The following RBSN variants were observed in gnomAD, a reference collection of about 807,000 sequenced individuals.
RBSN encodes the protein rabenosyn-5.
RBSN carries 34 observed loss-of-function variants against 60.5 expected under a neutral mutation model. That is an observed-to-expected ratio of 0.56 (90% CI 0.43 to 0.75). The LOEUF is 0.75. RBSN is among the 30% of genes least tolerant of loss of function. RBSN has a pLI of 0.00. For synonymous variants in RBSN, 322 were observed against 366.9 expected (o/e 0.88, Z 1.40); for missense variants, 845 against 986.8 (o/e 0.86, Z 1.92).
chr3:15,094,159 T>C (rs1184369118), intron 4 of RBSN, among the ~76,000 whole-genome samples: 2 of 152,192 alleles, frequency 1.3e-5, no homozygotes, highest in East Asian at 3.8e-4. Context: ...TTCTCTAACC[T>C]CTCTACCCAC....
chr3:15,075,277 A>G, intron 13 of RBSN: 1 of 601,046 alleles, frequency 1.7e-6, no homozygotes. Context: ...TTTCTGTTTA[A>G]TATTGCATAT....
At chr3:15,089,339 C>T (rs1282300673) in intron 5 of RBSN, among the ~76,000 whole-genome samples, 3 of 147,822 alleles carry the variant, frequency 2.0e-5, no homozygotes, top group Non-Finnish European at 3.0e-5. Flanking sequence ...GGATGGTGTG[C>T]ACCAGTAGTC....
intron 8 of RBSN, among the ~76,000 whole-genome samples, chr3:15,083,434 G>A (rs765554720): frequency 6.6e-6 from 1 of 152,138 alleles, no homozygotes; most frequent in Non-Finnish European, 1.5e-5. Flanking sequence ...CTTCCCAGAA[G>A]CCAATGAGAT....
Position 15,073,849 on chromosome 3 carries a change from T to C in RBSN, c.2288A>G (p.Glu763Gly). 1 of 1,613,914 alleles carries C rather than the reference T, an allele frequency of 6.2e-7. No individual in the cohort carries two copies. Among genetic ancestry groups the C allele is most frequent in the African/African-American group, 1.3e-5 (1 of 75,004 alleles). The change falls in exon 14 of 14, where the codon GAG becomes GGG. Residue 763 changes from glutamate to glycine, a missense_variant. Transcript: ENST00000253699. ...CTCCCGCAGATTCTCTGTCAGCACCTCTACCTCATCCAGGCGGCCGCACTG... is the reference window on the plus strand; with the variant it reads ...CTCCCGCAGATTCTCTGTCAGCACCCCTACCTCATCCAGGCGGCCGCACTG... ...AKQCGRLDEVEVLTENLRELK... is the reference protein window; with the variant it reads ...AKQCGRLDEVGVLTENLRELK...
chr3:15,089,724 C>T (rs896753442), intron 5 of RBSN, among the ~76,000 whole-genome samples: 6 of 151,794 alleles, frequency 4.0e-5, no homozygotes, highest in African/African-American at 1.5e-4. Flanking sequence ...CATTCTCCTG[C>T]CTCAGCCTCC....
At chr3:15,090,058 G>T (rs1364981372) in intron 5 of RBSN, among the ~76,000 whole-genome samples, 1 of 152,180 alleles carries the variant, frequency 6.6e-6, no homozygotes, top group Non-Finnish European at 1.5e-5. Context: ...TGAGAGGAAA[G>T]AATCATTAAT....
Position 15,074,168 on chromosome 3 carries a change from T to A in RBSN, c.1969A>T (p.Ile657Phe). ...TCGAAAGGATTGTACTCTTTCAGGATGCGGGCTGAAGGGTCTAAGGAAACC... is the reference window on the plus strand; with the variant it reads ...TCGAAAGGATTGTACTCTTTCAGGAAGCGGGCTGAAGGGTCTAAGGAAACC... ...AGVSLDPSAR[I>F]LKEYNPFEEE... The change falls in exon 14 of 14, where the codon ATC (isoleucine) becomes TTC (phenylalanine). Residue 657 changes from isoleucine to phenylalanine, a missense_variant. By Grantham distance (21) the Ile-to-Phe change is conservative (BLOSUM62 0). Coordinates refer to ENST00000253699, the MANE Select transcript of RBSN (RefSeq NM_022340.4). This position sits in a 1 kb window ranked among gnomAD's most constrained non-coding sequence, Gnocchi z 6.4. 6.2e-7 allele frequency: 1 copy of A among 1,613,702 alleles called. No individual in the cohort carries two copies. Among genetic ancestry groups the A allele is most frequent in the Non-Finnish European group, 8.5e-7 (1 of 1,179,760 alleles).
At chr3:15,076,412 G>A (rs367595443) in intron 12 of RBSN, among the ~76,000 whole-genome samples, 6 of 151,772 alleles carry the variant, frequency 4.0e-5, no homozygotes, top group East Asian at 1.9e-4. Context: ...ACCAGCCTGC[G>A]CAACATGGTA....
chr3:15,074,682 C>G lies in RBSN; in HGVS notation c.1455G>C (p.Leu485=). 1 of 1,614,274 alleles carries G rather than the reference C, an allele frequency of 6.2e-7. No homozygotes were observed. The highest frequency in any genetic ancestry group is 2.2e-5 in the East Asian group (1 of 44,890). Residue 485 remains leucine (L), a synonymous_variant, in exon 14 of 14, where the codon CTG becomes CTC. Coordinates refer to ENST00000253699, the MANE Select transcript of RBSN (RefSeq NM_022340.4). This position sits in a 1 kb window ranked among gnomAD's most constrained non-coding sequence, Gnocchi z 6.4. ...CCTGCAGCTGCCGCAGGTTCTCCTG[C>G]AGAGTGCGCACTTCATCCATGCGGC... ...AAGRMDEVRT[L]QENLRQLQDE...
rs564865687 is a variant in RBSN, at chr3:15,095,229, G to A, written c.148+744C>T. 2.6e-5 allele frequency among the ~76,000 whole-genome samples: 4 copies of A among 150,970 alleles called. No homozygotes were observed. In the South Asian group the frequency reaches 8.4e-4, roughly 32 times the overall value. Reference sequence around the variant, plus strand: ...TTGTGAGACGGGGTTTCGCCATGTTGCCCAGGCTGGTCTTGAACTCCTGAG... The same window carrying A: ...TTGTGAGACGGGGTTTCGCCATGTTACCCAGGCTGGTCTTGAACTCCTGAG... On this transcript the variant is annotated intron_variant, in intron 4 of 13. Transcript: ENST00000253699.
At chr3:15,090,608 C>T in intron 4 of RBSN, 69 bp from the exon 5 acceptor site, 1 of 1,548,446 alleles carries the variant, frequency 6.5e-7, no homozygotes, top group Non-Finnish European at 8.7e-7. Flanking sequence ...AAAGAAATCT[C>T]AAAAAACAAG....
intron 10 of RBSN, 70 bp from the exon 11 acceptor site, chr3:15,078,231 G>C: frequency 7.3e-7 from 1 of 1,370,944 alleles, no homozygotes; most frequent in Admixed American, 1.7e-5. Context: ...GTAGAAGGAC[G>C]CTAAAGGTGT....
intron 4 of RBSN, among the ~76,000 whole-genome samples, chr3:15,092,783 TG>T (rs1455830075): frequency 6.6e-6 from 1 of 152,180 alleles, no homozygotes; most frequent in African/African-American, 2.4e-5. Flanking sequence ...CAAACAGGAA[TG>T]TGAGTTAGCA....
intron 4 of RBSN, among the ~76,000 whole-genome samples, chr3:15,093,365 G>T (rs1033111156): frequency 6.6e-6 from 1 of 152,192 alleles, no homozygotes; most frequent in South Asian, 2.1e-4. Context: ...TAGAGGTAGA[G>T]ATGTCGGGGG....
At chr3:15,097,919 T>C (rs1490263113) in intron 2 of RBSN, among the ~76,000 whole-genome samples, 200 bp downstream of exon 2, 6 of 152,154 alleles carry the variant, frequency 3.9e-5, no homozygotes, top group Non-Finnish European at 8.8e-5. Context: ...TCCACTGGAA[T>C]ATAGCAGCCC....
intron 10 of RBSN, among the ~76,000 whole-genome samples, chr3:15,080,086 T>C (rs1218775138): frequency 1.3e-5 from 2 of 151,744 alleles, no homozygotes; most frequent in African/African-American, 4.8e-5. Flanking sequence ...CTACTAAAAA[T>C]ATAAAAAAAT....
At chr3:15,081,050 G>C (rs142821053) in intron 9 of RBSN, 1 of 463,150 alleles carries the variant, frequency 2.2e-6, no homozygotes, top group Non-Finnish European at 3.9e-6. Flanking sequence ...ATTTTGTTCT[G>C]TCACCCAAGG....
intron 4 of RBSN, among the ~76,000 whole-genome samples, chr3:15,091,145 G>C (rs1053601534): frequency 7.5e-6 from 1 of 133,620 alleles, no homozygotes; most frequent in African/African-American, 2.9e-5. Flanking sequence ...AGGAGGTCGA[G>C]GCTGCAGTGA....
chr3:15,075,048 T>C, intron 13 of RBSN, 118 bp from the exon 14 acceptor site: 1 of 1,241,550 alleles, frequency 8.1e-7, no homozygotes, highest in Non-Finnish European at 1.1e-6. Flanking sequence ...ATTTCTCACC[T>C]CAGGACAAAG....
Sources: allele counts gnomAD v4.1 joint callset (sites outside exome capture counted in the v4.1 genomes callset), GRCh38; gene constraint gnomAD v4.1.1; non-coding constraint Gnocchi (gnomAD v3.1); transcripts MANE v1.5; gene names NCBI Gene and HGNC (gene_info 2026-07-23, HGNC 2026-07-21).